The following PTPRT variants were observed in gnomAD, a reference collection of about 807,000 sequenced individuals.
PTPRT encodes receptor-type tyrosine-protein phosphatase T.
A neutral mutation model predicts 176.8 loss-of-function variants in PTPRT; 56 were observed. The ratio of observed to expected loss-of-function variants is 0.32; its 90% CI spans 0.26 to 0.40. The LOEUF (loss-of-function observed/expected upper bound fraction) is 0.40, where lower values mean the gene tolerates loss of function less well. Among genes scored for constraint, PTPRT ranks in the 10% least tolerant of loss-of-function variants. The pLI is 1.00. For synonymous variants in PTPRT, 783 were observed against 739.0 expected, an observed-to-expected ratio of 1.06 and a Z score of -0.96; for missense variants, 1,540 against 1,908.2, an observed-to-expected ratio of 0.81 and a Z score of 3.60.
At chr20:42,799,070 G>A (rs1344844986) in intron 2 of PTPRT, among the ~76,000 whole-genome samples, 8 of 151,916 alleles carry the variant, frequency 5.3e-5, no homozygotes, top group Non-Finnish European at 1.2e-4. Flanking sequence ...GACAAAGAAG[G>A]AATGGAGAAG....
Position 42,647,873 on chromosome 20 carries a change from C to T in PTPRT, c.1153+29993G>A, listed in dbSNP as rs758708533. 3.3e-5 allele frequency among the ~76,000 whole-genome samples: 5 copies of T among 152,108 alleles called. No individual in the cohort carries two copies. In the South Asian group the frequency reaches 6.2e-4, roughly 19 times the overall value. On this transcript the variant is annotated intron_variant, in intron 7 of 30. Coordinates refer to ENST00000373187, the MANE Select transcript of PTPRT (RefSeq NM_007050.6). ...TCTTTTATCATAAGATGCTGCAAGT[C>T]GAATCTACAGCAGTCAGGGTTAAGA...
At chr20:42,778,528 C>T (rs545238149) in intron 4 of PTPRT, among the ~76,000 whole-genome samples, 15 of 152,248 alleles carry the variant, frequency 9.9e-5, no homozygotes, top group Admixed American at 4.6e-4. Flanking sequence ...GAGGCAAGCA[C>T]GCTCTGAGTG....
Position 42,991,071 on chromosome 20 carries a change from G to A in PTPRT, c.89-105139C>T, listed in dbSNP as rs146824638. On this transcript the variant is annotated intron_variant, in intron 1 of 30. Coordinates refer to ENST00000373187, the MANE Select transcript of PTPRT (RefSeq NM_007050.6). Reference sequence around the variant, plus strand: ...GAGAAGCAAACCCAGGAGAGAAAGCGGGCGGAACTCTGAAATGGTTTGCAT... The same window carrying A: ...GAGAAGCAAACCCAGGAGAGAAAGCAGGCGGAACTCTGAAATGGTTTGCAT... Among the ~76,000 whole-genome samples the A allele has an allele frequency of 4.8e-3, 725 of 152,238 alleles. 8 individuals are homozygous for A. Among genetic ancestry groups the A allele is most frequent in the African/African-American group, 0.017 (689 of 41,538 alleles).
At chr20:42,250,496 CTT>C (rs372445344) in intron 13 of PTPRT, among the ~76,000 whole-genome samples, 2 of 151,372 alleles carry the variant, frequency 1.3e-5, no homozygotes, top group African/African-American at 2.4e-5. Flanking sequence ...GATGCACCCC[CTT>C]TTTTTTTGCT....
Position 43,004,011 on chromosome 20 carries a change from G to T in PTPRT, c.89-118079C>A, listed in dbSNP as rs1600640230. 2.0e-5 allele frequency among the ~76,000 whole-genome samples: 3 copies of T among 152,256 alleles called. No homozygotes were observed. In the South Asian group the frequency reaches 6.2e-4, roughly 32 times the overall value. On this transcript the variant is annotated intron_variant, in intron 1 of 30. Transcript: ENST00000373187. Reference sequence around the variant, plus strand: ...TATTGCTAAATTTATTAAGAGAAAAGAAGAATATAAGTGAATTTACTTTAA... The same window carrying T: ...TATTGCTAAATTTATTAAGAGAAAATAAGAATATAAGTGAATTTACTTTAA...
In PTPRT at chr20:42,475,589, G is replaced by A. The variant is rs62204918; in HGVS notation, c.1154-3027C>T. ...ATGAGGCATGTCGCCTTCATCAGAAGTCTGGGGAGACTTGAAGACAATAGT... is the reference window on the plus strand; with the variant it reads ...ATGAGGCATGTCGCCTTCATCAGAAATCTGGGGAGACTTGAAGACAATAGT... On this transcript the variant is annotated intron_variant, in intron 7 of 30. Transcript: ENST00000373187. Among the ~76,000 whole-genome samples the A allele has an allele frequency of 7.9e-3, 1,206 of 152,304 alleles. 11 individuals are homozygous for A. The highest frequency in any genetic ancestry group is 0.014 in the Middle Eastern group (4 of 294).
intron 7 of PTPRT, among the ~76,000 whole-genome samples, chr20:42,531,863 G>C (rs1346762399): frequency 6.6e-6 from 1 of 152,176 alleles, no homozygotes; most frequent in Non-Finnish European, 1.5e-5. Flanking sequence ...TTTACTGCAA[G>C]GGAAACATAT....
chr20:42,124,748 C>T (rs2146347190), intron 19 of PTPRT, among the ~76,000 whole-genome samples: 1 of 152,268 alleles, frequency 6.6e-6, no homozygotes, highest in South Asian at 2.1e-4. Context: ...TTTATCTTTG[C>T]TGGAGTATGT....
At chr20:42,318,656 G>A (rs1048835752) in intron 11 of PTPRT, among the ~76,000 whole-genome samples, 7 of 152,164 alleles carry the variant, frequency 4.6e-5, no homozygotes, top group Non-Finnish European at 8.8e-5. Context: ...TCATCCCCAG[G>A]ACCAGGAGTT....
At chr20:42,905,581 G>T (rs1190128029) in intron 1 of PTPRT, among the ~76,000 whole-genome samples, 1 of 152,152 alleles carries the variant, frequency 6.6e-6, no homozygotes, top group Non-Finnish European at 1.5e-5. Flanking sequence ...ATACCCAGAG[G>T]ATTATAAATC....
chr20:42,894,613 T>G (rs887880002), intron 1 of PTPRT, among the ~76,000 whole-genome samples: 1 of 152,132 alleles, frequency 6.6e-6, no homozygotes, highest in Non-Finnish European at 1.5e-5. Context: ...ATGTACCTAC[T>G]CATTATACTA....
intron 7 of PTPRT, among the ~76,000 whole-genome samples, chr20:42,654,864 C>T (rs1424111855): frequency 6.6e-6 from 1 of 152,228 alleles, no homozygotes; most frequent in Non-Finnish European, 1.5e-5. Context: ...CCAAAGCCCA[C>T]TAACATCAGG....
chr20:43,022,202 G>A (rs1377417355), intron 1 of PTPRT, among the ~76,000 whole-genome samples: 1 of 152,252 alleles, frequency 6.6e-6, no homozygotes, highest in Non-Finnish European at 1.5e-5. Context: ...AACTAGCAGA[G>A]TCTGTCTGAC....
At chr20:43,048,922 C>G (rs1202524499) in intron 1 of PTPRT, among the ~76,000 whole-genome samples, 1 of 152,170 alleles carries the variant, frequency 6.6e-6, no homozygotes, top group African/African-American at 2.4e-5. Context: ...CCCTCCATCA[C>G]AGGTAACACA....
Position 42,073,835 on chromosome 20 carries a change from A to G in PTPRT, c.*7044T>C, listed in dbSNP as rs1982527990. The G allele has an allele frequency of 4.4e-6, 1 of 226,458 alleles. No homozygotes were observed. Among genetic ancestry groups the G allele is most frequent in the African/African-American group, 2.2e-5 (1 of 44,936 alleles). The allele number at this position is 226,458 out of a possible 1,614,324, so 14.0% of individuals were successfully genotyped here. ...TCAAACATGATCCCAGCTCCACAAG[A>G]TCTCACCCATCTGGAATGGAAGTGA... On this transcript the variant is annotated 3_prime_UTR_variant, in exon 31 of 31. Coordinates refer to ENST00000373187, the MANE Select transcript of PTPRT (RefSeq NM_007050.6).
chr20:42,048,702 G>A, the PTPRT span, among the ~76,000 whole-genome samples: 1 of 152,110 alleles, frequency 6.6e-6, no homozygotes, highest in Non-Finnish European at 1.5e-5. Flanking sequence ...AGTCTTCCCA[G>A]CTAAAACCTC....
chr20:42,799,171 G>C (rs1223921563), intron 2 of PTPRT, among the ~76,000 whole-genome samples: 1 of 151,948 alleles, frequency 6.6e-6, no homozygotes, highest in Non-Finnish European at 1.5e-5. Flanking sequence ...TGGATGGAAG[G>C]GAAGAAGGGA....
chr20:42,080,321 G>T lies in PTPRT; in HGVS notation c.*558C>A. ...ATGCAGGTTAGGTGTGAGGATGGGGGGCCTCTCTTGTGGCCTAGGGAACAT... is the reference window on the plus strand; with the variant it reads ...ATGCAGGTTAGGTGTGAGGATGGGGTGCCTCTCTTGTGGCCTAGGGAACAT... On this transcript the variant is annotated 3_prime_UTR_variant, in exon 31 of 31. Transcript: ENST00000373187. 1 of 233,284 alleles carries T rather than the reference G, an allele frequency of 4.3e-6. No homozygotes were observed. Among genetic ancestry groups the T allele is most frequent in the East Asian group, 6.0e-5 (1 of 16,536 alleles). The allele number at this position is 233,284 out of a possible 1,614,324, so 14.5% of individuals were successfully genotyped here. A position where few individuals can be genotyped will look rare whatever the true frequency, so the allele number is the denominator to read the frequency against.
chr20:42,247,752 C>T (rs2056479419), intron 14 of PTPRT, among the ~76,000 whole-genome samples: 1 of 151,982 alleles, frequency 6.6e-6, no homozygotes, highest in South Asian at 2.1e-4. Flanking sequence ...AGGTTGGGGC[C>T]CTGGCATTGA....
Sources: allele counts gnomAD v4.1 joint callset (sites outside exome capture counted in the v4.1 genomes callset), GRCh38; gene constraint gnomAD v4.1.1; transcripts MANE v1.5; gene names NCBI Gene and HGNC (gene_info 2026-07-23, HGNC 2026-07-21).